FBXL18: variants seen among roughly 807,000 people sequenced by gnomAD.
FBXL18 encodes the protein F-box/LRR-repeat protein 18.
In FBXL18, 36 loss-of-function variants were observed where a neutral mutation model predicts 46.0. The ratio of observed to expected loss-of-function variants is 0.78; its 90% CI spans 0.60 to 1.03. The LOEUF is 1.03. FBXL18 is among the 50% of genes least tolerant of loss of function. The pLI, the probability that FBXL18 is intolerant of heterozygous loss-of-function variation, is 0.00. For missense variants in FBXL18, 977 were observed against 1,004.1 expected, an observed-to-expected ratio of 0.97 and a Z score of 0.36; for synonymous variants, 557 against 465.3, an observed-to-expected ratio of 1.20 and a Z score of -2.54.
At chr7:5,466,519 C>G (rs911692093) in intron 4 of FBXL18, among the ~76,000 whole-genome samples, 2 of 152,198 alleles carry the variant, frequency 1.3e-5, no homozygotes, top group Non-Finnish European at 2.9e-5. Context: ...TCTCCCTCAC[C>G]AGCCCTCGGC....
Position 5,513,645 on chromosome 7 carries a change from C to G in FBXL18, c.18+12G>C, listed in dbSNP as rs1446442838. On this transcript the variant is annotated intron_variant, in intron 1 of 4. Coordinates refer to ENST00000382368, the MANE Select transcript of FBXL18 (RefSeq NM_024963.6). ...GAGGCAGAAGCAGAGCGGAGACAGT[C>G]GCGGACAGTACCTCTCCGGAGCTGG... The G allele has an allele frequency of 1.1e-5, 17 of 1,611,912 alleles. No homozygotes were observed. Among genetic ancestry groups the G allele is most frequent in the Admixed American group, 8.4e-5 (5 of 59,784 alleles).
chr7:5,499,598 G>A (rs758097786), intron 3 of FBXL18, among the ~76,000 whole-genome samples: 5 of 152,012 alleles, frequency 3.3e-5, no homozygotes, highest in African/African-American at 7.2e-5. Context: ...AGGTGTGGTG[G>A]TGCACACCTG....
intron 4 of FBXL18, among the ~76,000 whole-genome samples, chr7:5,463,741 T>TTTATTA: frequency 2.2e-5 from 1 of 46,204 alleles, no homozygotes; most frequent in Non-Finnish European, 5.1e-5. Context: ...TTTTTTTTTT[T>TTTATTA]TTTTTTTTTT....
In FBXL18 at chr7:5,476,564, C is replaced by G. The variant is rs997442081; in HGVS notation, c.*5211G>C. On this transcript the variant is annotated 3_prime_UTR_variant, in exon 5 of 5. Transcript: ENST00000382368. ...CACTGCAACATCCAACTCCTGGGCT[C>G]AAGCAATCCTCCTGCCTCAGCCTCC... 1 of 152,400 alleles carries G rather than the reference C, an allele frequency of 6.6e-6. No individual in the cohort carries two copies. Among genetic ancestry groups the G allele is most frequent in the Non-Finnish European group, 1.5e-5 (1 of 68,216 alleles). 9.4% of individuals were successfully genotyped at this position (152,400 alleles called of 1,614,324 possible). A position where few individuals can be genotyped will look rare whatever the true frequency, so the allele number is the denominator to read the frequency against.
Position 5,501,953 on chromosome 7 carries a change from A to T in FBXL18, c.316T>A (p.Trp106Arg), listed in dbSNP as rs771112865. 1 of 1,606,546 alleles carries T rather than the reference A, an allele frequency of 6.2e-7. No homozygotes were observed. Among genetic ancestry groups the T allele is most frequent in the Admixed American group, 1.7e-5 (1 of 59,156 alleles). The change falls in exon 3 of 5, where the codon TGG becomes AGG. Residue 106 changes from tryptophan (W) to arginine (R), a missense_variant. Transcript: ENST00000382368. ...TGTTCCACGGTGGAGCCAGGCAGCC[A>T]GTAGCAGCCAGCCATGCTCAGCTGC... ...IQQLSMAGCY[W>R]LPGSTVEHVA... is the part of the protein sequence containing the mutation.
At chr7:5,510,650 C>A (rs549527461) in intron 1 of FBXL18, among the ~76,000 whole-genome samples, 1 of 149,398 alleles carries the variant, frequency 6.7e-6, no homozygotes, top group Admixed American at 6.7e-5. Flanking sequence ...CGCGCCACTG[C>A]ACTCCAGCCT....
intron 4 of FBXL18, among the ~76,000 whole-genome samples, chr7:5,460,662 A>G (rs1475122440): frequency 1.3e-5 from 2 of 152,170 alleles, no homozygotes; most frequent in Non-Finnish European, 2.9e-5. Flanking sequence ...CATGTTGGCC[A>G]GGCTGGTCTT....
chr7:5,500,041 G>GA (rs1237261199), intron 3 of FBXL18, among the ~76,000 whole-genome samples: 1 of 151,382 alleles, frequency 6.6e-6, no homozygotes, highest in African/African-American at 2.4e-5. Flanking sequence ...CTCCAGCTTG[G>GA]ATGACAGAGC....
chr7:5,491,110 G>C, intron 4 of FBXL18, 121 bp downstream of exon 4: 1 of 916,106 alleles, frequency 1.1e-6, no homozygotes. Context: ...CCCTGTCACT[G>C]CCTGGTGCTC....
intron 1 of FBXL18, among the ~76,000 whole-genome samples, chr7:5,511,478 C>T (rs182509894): frequency 1.3e-5 from 2 of 152,092 alleles, no homozygotes; most frequent in Admixed American, 6.6e-5. Flanking sequence ...TAGTGGCACG[C>T]GCCTGTAATC....
At chr7:5,499,182 G>A (rs1784163817) in intron 3 of FBXL18, among the ~76,000 whole-genome samples, 1 of 152,114 alleles carries the variant, frequency 6.6e-6, no homozygotes, top group Non-Finnish European at 1.5e-5. Flanking sequence ...GACCTCTCCT[G>A]TCTCCTCCAT....
At chr7:5,483,037 CAA>C (rs1160643136) in intron 4 of FBXL18, among the ~76,000 whole-genome samples, 6 of 125,786 alleles carry the variant, frequency 4.8e-5, no homozygotes, top group East Asian at 2.3e-4. Context: ...GACCCTGTCT[CAA>C]AAAAAAAAAA....
In FBXL18 at chr7:5,500,981, G is replaced by A. The variant is rs1446633124; in HGVS notation, c.1288C>T (p.Pro430Ser). 6.4e-7 allele frequency: 1 copy of A among 1,555,096 alleles called. No homozygotes were observed. Among genetic ancestry groups the A allele is most frequent in the Non-Finnish European group, 8.6e-7 (1 of 1,156,362 alleles). ...TGGGCGGGCGCGCGGTCGGCGCGCG[G>A]CGCGGAGTCAGCGACAGAGCAGACA... Reference protein sequence around the residue: ...LPVCSVADSAPRADRAPAQPA... With the variant: ...LPVCSVADSASRADRAPAQPA... Residue 430 changes from proline (P) to serine (S), a missense_variant, in exon 3 of 5, where the codon CCG becomes TCG. Physicochemically the swap from Pro to Ser is moderately conservative, Grantham distance 74 (BLOSUM62 -1). Transcript: ENST00000382368.
chr7:5,498,140 GC>G (rs1344833729), intron 3 of FBXL18, among the ~76,000 whole-genome samples: 12 of 149,844 alleles, frequency 8.0e-5, no homozygotes, highest in Non-Finnish European at 1.3e-4. Context: ...GAGTGCAGCG[GC>G]CAGTGGCGCG....
intron 4 of FBXL18, chr7:5,490,313 C>T (rs952913487): frequency 1.7e-6 from 2 of 1,153,890 alleles, no homozygotes; most frequent in East Asian, 6.0e-5. Flanking sequence ...GTCAGCCCGT[C>T]CTCCTGAGAG....
At position 5,501,865 on chromosome 7, in the gene FBXL18, C is replaced by G. The variant is rs1334365493; in HGVS notation, c.404G>C (p.Arg135Pro). 6.2e-7 allele frequency: 1 copy of G among 1,602,028 alleles called. No individual in the cohort carries two copies. The highest frequency in any genetic ancestry group is 1.3e-5 in the African/African-American group (1 of 74,856). ...CAGGGCCGAGAGCATCTTGGAGAGG[C>G]GCAGGGAAGTGAGGTGGCAGCCCGA... is the stretch of plus-strand genomic sequence containing the variant. ...NLSGCHLTSL[R>P]LSKMLSALQH... Residue 135 changes from arginine (R) to proline (P), a missense_variant, in exon 3 of 5, where the codon CGC becomes CCC. Physicochemically the swap from Arg to Pro is moderately radical, Grantham distance 103. Transcript: ENST00000382368.
chr7:5,507,446 C>T (rs182510399), intron 1 of FBXL18, among the ~76,000 whole-genome samples: 3 of 152,226 alleles, frequency 2.0e-5, no homozygotes, highest in East Asian at 1.9e-4. Context: ...GAAAGCCACA[C>T]GGAAACCAAA....
chr7:5,501,032 G>A lies in FBXL18; in HGVS notation c.1237C>T (p.Arg413Cys), dbSNP rs769748072. 7.5e-6 allele frequency: 12 copies of A among 1,604,082 alleles called. No homozygotes were observed. The Admixed American group carries it at 1.2e-4, about 16-fold the overall frequency. Residue 413 changes from arginine (R) to cysteine (C), a missense_variant, in exon 3 of 5, where the codon CGT becomes TGT. Coordinates refer to ENST00000382368, the MANE Select transcript of FBXL18 (RefSeq NM_024963.6). ...GGCAGGGAGAGGGAGCGCAGGTGAC[G>A]CAGCCGGGCCAGGAGCTGGCAGAGG... is the stretch of plus-strand genomic sequence containing the variant. ...RHLCQLLARLRHLRSLSLPVC... is the reference protein window; with the variant it reads ...RHLCQLLARLCHLRSLSLPVC...
chr7:5,506,746 G>A (rs892330781), intron 1 of FBXL18, among the ~76,000 whole-genome samples: 4 of 152,086 alleles, frequency 2.6e-5, no homozygotes, highest in Non-Finnish European at 4.4e-5. Context: ...TAGTAAAGAC[G>A]GGGTTTTGCC....
Sources: allele counts gnomAD v4.1 joint callset (sites outside exome capture counted in the v4.1 genomes callset), GRCh38; gene constraint gnomAD v4.1.1; transcripts MANE v1.5; gene names NCBI Gene and HGNC (gene_info 2026-07-23, HGNC 2026-07-21).